SPATA16: variants seen among roughly 807,000 people sequenced by gnomAD.
SPATA16 encodes spermatogenesis associated 16, also known as spermatogenesis-associated protein 16.
Under a neutral mutation model 63.3 loss-of-function variants are expected in SPATA16, and 36 were observed. The ratio of observed to expected loss-of-function variants is 0.57; its 90% CI spans 0.44 to 0.75. The LOEUF (loss-of-function observed/expected upper bound fraction) is 0.75, where lower values mean the gene tolerates loss of function less well. Ranked by LOEUF, SPATA16 falls within the 30% of genes least tolerant of loss-of-function variation. SPATA16 has a pLI of 0.00. For missense variants in SPATA16, 646 were observed against 679.3 expected (o/e 0.95, Z 0.54); for synonymous variants, 203 against 216.7 (o/e 0.94, Z 0.56).
Position 173,117,567 on chromosome 3 carries a change from C to A in SPATA16, c.165G>T (p.Gln55His). The change falls in exon 2 of 11, where the codon CAG becomes CAT. Residue 55 changes from glutamine (Q) to histidine (H), a missense_variant. Transcript: ENST00000351008. ...TTGTTCTTTCAAGTGTGATTTCTAC[C>A]TGTTTACCTCCACAGTTTTTCTTAA... The part of the protein sequence containing the change: ...QEIKKNCGGK[Q>H]VEITLERTKM... The A allele has an allele frequency of 6.2e-7, 1 of 1,613,746 alleles. No homozygotes were observed. The highest frequency in any genetic ancestry group is 8.5e-7 in the Non-Finnish European group (1 of 1,179,878).
intron 6 of SPATA16, among the ~76,000 whole-genome samples, chr3:172,926,681 G>A (rs773611775): frequency 6.6e-5 from 10 of 152,136 alleles, no homozygotes; most frequent in Non-Finnish European, 1.5e-4. Flanking sequence ...CAGATGATAA[G>A]ACTGGTGCTT....
intron 2 of SPATA16, among the ~76,000 whole-genome samples, chr3:173,087,283 C>G (rs1052705555): frequency 2.0e-5 from 3 of 152,086 alleles, no homozygotes; most frequent in African/African-American, 7.2e-5. Flanking sequence ...ATGCAATGCC[C>G]GTCTTTGTCT....
At chr3:173,026,513 A>T (rs1268067774) in intron 3 of SPATA16, among the ~76,000 whole-genome samples, 1 of 151,948 alleles carries the variant, frequency 6.6e-6, no homozygotes, top group Non-Finnish European at 1.5e-5. Flanking sequence ...ACTTTGCTTA[A>T]TCCAAGGTGA....
intron 6 of SPATA16, among the ~76,000 whole-genome samples, chr3:172,940,612 A>T (rs1303831713): frequency 6.6e-6 from 1 of 152,226 alleles, no homozygotes; most frequent in Non-Finnish European, 1.5e-5. Context: ...CATAGAAGGG[A>T]AAAACACACA....
At chr3:173,047,447 T>C (rs1272895515) in intron 3 of SPATA16, among the ~76,000 whole-genome samples, 1 of 152,066 alleles carries the variant, frequency 6.6e-6, no homozygotes, top group African/African-American at 2.4e-5. Flanking sequence ...TTACTTTTAG[T>C]GCATCTCAAT....
In SPATA16 at chr3:173,034,927, C is replaced by A. The variant is rs188421751; in HGVS notation, c.758+14022G>T. ...ATACACACTCCTTTCTTGATTGACA[C>A]CGATTATTAAATCTCTCATTTTGAC... On this transcript the variant is annotated intron_variant, in intron 3 of 10. Transcript: ENST00000351008. Among the ~76,000 whole-genome samples the A allele has an allele frequency of 2.0e-3, 301 of 152,218 alleles. 7 individuals are homozygous for A. In the South Asian group the frequency reaches 0.041, roughly 21 times the overall value.
At chr3:172,921,588 C>T (rs73041293) in intron 8 of SPATA16, among the ~76,000 whole-genome samples, 9 of 151,410 alleles carry the variant, frequency 5.9e-5, no homozygotes, top group South Asian at 4.2e-4. Flanking sequence ...TCACAGAACA[C>T]GAGTGGAATC....
rs146421770 is a variant in SPATA16, at chr3:172,967,483, A to T, written c.933+9485T>A. ...TGCCTGAATTTTTTAGTTTATTTAT[A>T]TGTTATTTTCATAGTGATGGGAGTC... On this transcript the variant is annotated intron_variant, in intron 5 of 10. Transcript: ENST00000351008. 6.3e-3 allele frequency among the ~76,000 whole-genome samples: 962 copies of T among 152,260 alleles called. 8 individuals carry two copies. The highest frequency in any genetic ancestry group is 0.012 in the Admixed American group (181 of 15,300).
intron 10 of SPATA16, among the ~76,000 whole-genome samples, chr3:172,906,221 A>G (rs923065386): frequency 6.6e-6 from 1 of 152,114 alleles, no homozygotes; most frequent in Non-Finnish European, 1.5e-5. Flanking sequence ...ATTCAATGGT[A>G]ACAGAAAATC....
intron 1 of SPATA16, among the ~76,000 whole-genome samples, chr3:173,125,366 C>A (rs550099857): frequency 6.6e-6 from 1 of 152,304 alleles, no homozygotes; most frequent in South Asian, 2.1e-4. Context: ...CCAAGTCATC[C>A]TTCTAAATGA....
intron 4 of SPATA16, among the ~76,000 whole-genome samples, chr3:173,013,935 G>A (rs1283188184): frequency 3.9e-5 from 6 of 152,162 alleles, no homozygotes; most frequent in South Asian, 4.1e-4. Context: ...CCTGGGTCTG[G>A]GCTGTGCCTG....
rs534332233 is a variant in SPATA16, at chr3:172,958,251, A to C, written c.934-1427T>G. On this transcript the variant is annotated intron_variant, in intron 5 of 10. Coordinates refer to ENST00000351008, the MANE Select transcript of SPATA16 (RefSeq NM_031955.6). ...TGCTGGACGTAGAGACCTGGATGCC[A>C]GCTTTGGAAGGCTAATGGGGATAAT... Among the ~76,000 whole-genome samples the C allele has an allele frequency of 3.9e-5, 6 of 152,356 alleles. No individual in the cohort carries two copies. In the South Asian group the frequency reaches 1.2e-3, roughly 32 times the overall value.
chr3:173,118,617 A>G (rs1160684470), intron 1 of SPATA16, among the ~76,000 whole-genome samples: 1 of 152,168 alleles, frequency 6.6e-6, no homozygotes, highest in Non-Finnish European at 1.5e-5. Flanking sequence ...ATCACATTCT[A>G]TTCTGGAAAC....
At chr3:172,926,083 C>T (rs577491410) in intron 6 of SPATA16, among the ~76,000 whole-genome samples, 2 of 152,174 alleles carry the variant, frequency 1.3e-5, no homozygotes, top group African/African-American at 4.8e-5. Context: ...GCCTTGGCCT[C>T]CCAAAATGCT....
At chr3:173,125,539 G>A (rs1278973023) in intron 1 of SPATA16, among the ~76,000 whole-genome samples, 1 of 152,138 alleles carries the variant, frequency 6.6e-6, no homozygotes, top group Non-Finnish European at 1.5e-5. Context: ...CTTCTGTTCT[G>A]CTAATTTGAC....
chr3:172,972,287 A>G (rs1734063088), intron 5 of SPATA16, among the ~76,000 whole-genome samples: 1 of 152,192 alleles, frequency 6.6e-6, no homozygotes, highest in South Asian at 2.1e-4. Flanking sequence ...CATGCTTTCT[A>G]CACGGGCCTG....
chr3:172,971,622 C>T (rs1018121045), intron 5 of SPATA16, among the ~76,000 whole-genome samples: 3 of 152,062 alleles, frequency 2.0e-5, no homozygotes. Flanking sequence ...TAGCACAGTG[C>T]CTTACATACA....
intron 10 of SPATA16, among the ~76,000 whole-genome samples, chr3:172,898,027 T>C (rs1422077588): frequency 6.6e-6 from 1 of 152,058 alleles, no homozygotes; most frequent in East Asian, 1.9e-4. Context: ...GTAATTTTTC[T>C]TCTGTAATCT....
intron 9 of SPATA16, among the ~76,000 whole-genome samples, chr3:172,914,452 CA>C (rs1732436404): frequency 6.6e-6 from 1 of 152,128 alleles, no homozygotes; most frequent in Non-Finnish European, 1.5e-5. Context: ...CAGTTCAGTT[CA>C]CTATGACATC....
Sources: allele counts gnomAD v4.1 joint callset (sites outside exome capture counted in the v4.1 genomes callset), GRCh38; gene constraint gnomAD v4.1.1; transcripts MANE v1.5; gene names NCBI Gene and HGNC (gene_info 2026-07-23, HGNC 2026-07-21).